The following ABCD2 variants were observed in gnomAD, a reference collection of about 807,000 sequenced individuals.
The protein encoded by ABCD2 is ATP-binding cassette sub-family D member 2.
Under a neutral mutation model 70.9 loss-of-function variants are expected in ABCD2, and 36 were observed. The ratio of observed to expected loss-of-function variants is 0.51; its 90% CI spans 0.39 to 0.67. The LOEUF is 0.67. ABCD2 is among the 30% of genes least tolerant of loss of function. The pLI, the probability that ABCD2 is intolerant of heterozygous loss-of-function variation, is 0.00. For synonymous variants in ABCD2, 304 were observed against 306.9 expected (o/e 0.99, Z 0.10); for missense variants, 729 against 890.2 (o/e 0.82, Z 2.30).
the ABCD2 span, among the ~76,000 whole-genome samples, chr12:39,542,338 C>G: frequency 9.9e-5 from 15 of 151,802 alleles, no homozygotes; most frequent in Non-Finnish European, 2.1e-4. Context: ...TGGCACGAAC[C>G]TGTAGTCCCA....
At chr12:39,605,885 A>C in intron 3 of ABCD2, among the ~76,000 whole-genome samples, 1 of 152,330 alleles carries the variant, frequency 6.6e-6, no homozygotes, top group East Asian at 1.9e-4. Flanking sequence ...AAACATAAGC[A>C]GTAAATGAGT....
chr12:39,579,034 T>C (rs1470403094), intron 8 of ABCD2, among the ~76,000 whole-genome samples: 1 of 152,104 alleles, frequency 6.6e-6, no homozygotes, highest in Non-Finnish European at 1.5e-5. Context: ...ATGAAAGAAA[T>C]AGAAAAACAA....
chr12:39,540,228 G>A, the ABCD2 span, among the ~76,000 whole-genome samples: 2,365 of 152,330 alleles, frequency 0.016, 75 homozygotes, highest in African/African-American at 0.052. Flanking sequence ...ATAGTGAAGA[G>A]TGGTGATCTG....
intron 2 of ABCD2, among the ~76,000 whole-genome samples, chr12:39,611,914 C>G (rs1429077920): frequency 6.6e-6 from 1 of 151,816 alleles, no homozygotes; most frequent in Non-Finnish European, 1.5e-5. Flanking sequence ...AACTGATAAA[C>G]CAATGTAAAA....
chr12:39,535,508 G>C, the ABCD2 span, among the ~76,000 whole-genome samples: 2 of 152,198 alleles, frequency 1.3e-5, no homozygotes, highest in African/African-American at 4.8e-5. Flanking sequence ...TTCAAATAAA[G>C]TCCAAATATA....
chr12:39,578,596 A>C (rs1941553452), intron 8 of ABCD2, among the ~76,000 whole-genome samples: 1 of 151,726 alleles, frequency 6.6e-6, no homozygotes, highest in Admixed American at 6.6e-5. Flanking sequence ...AATCAGGAGA[A>C]TCAGAAGGGC....
intron 6 of ABCD2, among the ~76,000 whole-genome samples, chr12:39,596,532 A>G (rs1238592346): frequency 6.6e-6 from 1 of 152,022 alleles, no homozygotes; most frequent in Non-Finnish European, 1.5e-5. Flanking sequence ...TTAATTCTAT[A>G]CTTATATATA....
At chr12:39,554,605 A>T (rs1301884903) in intron 9 of ABCD2, among the ~76,000 whole-genome samples, 1 of 152,222 alleles carries the variant, frequency 6.6e-6, no homozygotes, top group Non-Finnish European at 1.5e-5. Context: ...CTCAATAATA[A>T]ATATAGTTTA....
At chr12:39,555,888 G>A (rs1941158126) in intron 9 of ABCD2, among the ~76,000 whole-genome samples, 1 of 152,136 alleles carries the variant, frequency 6.6e-6, no homozygotes. Flanking sequence ...TCAGATTTCA[G>A]CTCAGCACTG....
chr12:39,595,352 T>C lies in ABCD2; in HGVS notation c.1646+5219A>G, dbSNP rs1941802169. On this transcript the variant is annotated intron_variant, in intron 6 of 9. Transcript: ENST00000308666. ...GTCTAACTCTGGCTTTGAAATTCCA[T>C]ATAACGCTAAGTAAAGTATGTAGTC... is the stretch of plus-strand genomic sequence containing the variant. Among the ~76,000 whole-genome samples, 6 of 152,194 alleles carry C rather than the reference T, an allele frequency of 3.9e-5. No individual in the cohort carries two copies. The South Asian group carries it at 1.2e-3, about 31-fold the overall frequency.
downstream of ABCD2, among the ~76,000 whole-genome samples, chr12:39,545,789 T>C (rs890341964): frequency 2.0e-5 from 3 of 152,134 alleles, no homozygotes; most frequent in African/African-American, 7.2e-5. Context: ...TTTATGGTCA[T>C]TGGCTTGATA....
rs138119938 is a variant in ABCD2, at chr12:39,619,240, C to T, written c.376G>A (p.Gly126Ser). Reference sequence around the variant, plus strand: ...CTTTTCACGATTTTTCCATCCAGACCAGCCACATAGATAGAAAGAAAGGTT... The same window carrying T: ...CTTTTCACGATTTTTCCATCCAGACTAGCCACATAGATAGAAAGAAAGGTT... ...SRTFLSIYVAGLDGKIVKSIV... is the reference protein window; with the variant it reads ...SRTFLSIYVASLDGKIVKSIV... Residue 126 changes from glycine (G) to serine (S), a missense_variant, in exon 1 of 10, where the codon GGT (glycine) becomes AGT (serine). By Grantham distance (56) the Gly-to-Ser change is moderately conservative (BLOSUM62 0). This residue lies in a region of ABCD2 where 245 missense variants were observed against 261.2 expected (regional missense o/e 0.94). Transcript: ENST00000308666. The T allele has an allele frequency of 3.7e-6, 6 of 1,614,088 alleles. No homozygotes were observed. Among genetic ancestry groups the T allele is most frequent in the African/African-American group, 1.3e-5 (1 of 75,010 alleles).
intron 9 of ABCD2, among the ~76,000 whole-genome samples, chr12:39,560,945 A>G (rs1323018709): frequency 1.3e-5 from 2 of 152,194 alleles, no homozygotes; most frequent in African/African-American, 4.8e-5. Flanking sequence ...CATATTACTA[A>G]AGAAAATCAC....
the ABCD2 span, among the ~76,000 whole-genome samples, chr12:39,534,136 T>C: frequency 4.7e-4 from 71 of 152,286 alleles, no homozygotes; most frequent in Non-Finnish European, 9.0e-4. Context: ...ACTTCCAGTT[T>C]CACAAGAACC....
chr12:39,587,099 A>G (rs898541765), intron 6 of ABCD2, among the ~76,000 whole-genome samples: 4 of 152,186 alleles, frequency 2.6e-5, no homozygotes, highest in Non-Finnish European at 5.9e-5. Flanking sequence ...AAAAATACAA[A>G]AAAAGATGCA....
intron 8 of ABCD2, among the ~76,000 whole-genome samples, chr12:39,576,843 A>T (rs889869319): frequency 3.9e-5 from 6 of 152,208 alleles, no homozygotes; most frequent in African/African-American, 1.4e-4. Flanking sequence ...TACATAATGT[A>T]GAAACATTTA....
chr12:39,544,657 A>G, the ABCD2 span, among the ~76,000 whole-genome samples: 1 of 152,158 alleles, frequency 6.6e-6, no homozygotes, highest in Non-Finnish European at 1.5e-5. Context: ...TTTAGGTTTT[A>G]TAACACCTTA....
intron 2 of ABCD2, among the ~76,000 whole-genome samples, chr12:39,612,106 A>C (rs1323267701): frequency 2.6e-5 from 4 of 152,172 alleles, no homozygotes; most frequent in Non-Finnish European, 5.9e-5. Context: ...GAGGAAATAG[A>C]ACCCTTACAC....
At chr12:39,565,022 T>G (rs917190101) in intron 9 of ABCD2, among the ~76,000 whole-genome samples, 12 of 152,224 alleles carry the variant, frequency 7.9e-5, no homozygotes, top group Admixed American at 3.9e-4. Flanking sequence ...TGCTGTTTTG[T>G]TTACTGTAGC....
Sources: gnomAD v4.1 joint callset for allele counts (sites outside exome capture counted in the v4.1 genomes callset) on GRCh38, gnomAD v4.1.1 for gene constraint, gnomAD v4.1.1 regional missense constraint, MANE v1.5 for transcripts, NCBI Gene and HGNC (gene_info 2026-07-23, HGNC 2026-07-21) for gene names.